POSTN: variants seen among roughly 807,000 people sequenced by gnomAD.
The protein encoded by POSTN is periostin.
Under a neutral mutation model 104.5 loss-of-function variants are expected in POSTN, and 71 were observed. The ratio of observed to expected loss-of-function variants is 0.68; its 90% CI spans 0.56 to 0.83. The LOEUF is 0.83. Among genes scored for constraint, POSTN ranks in the 40% least tolerant of loss-of-function variants. The pLI, the probability that POSTN is intolerant of heterozygous loss-of-function variation, is 0.00. For synonymous variants in POSTN, 355 were observed against 340.7 expected (o/e 1.04, Z -0.46); for missense variants, 949 against 1,006.8 (o/e 0.94, Z 0.78).
At chr13:37,570,425 T>A (rs184916747) in intron 19 of POSTN, among the ~76,000 whole-genome samples, 155 bp downstream of exon 19, 269 of 151,968 alleles carry the variant, frequency 1.8e-3, no homozygotes, top group African/African-American at 5.9e-3. Flanking sequence ...ATAGATTACA[T>A]ATTTAGAATA....
chr13:37,572,066 T>A (rs1950276292), intron 17 of POSTN, among the ~76,000 whole-genome samples: 2 of 151,646 alleles, frequency 1.3e-5, no homozygotes. Context: ...AGTTAAACAG[T>A]CCTTCAAATG....
intron 22 of POSTN, among the ~76,000 whole-genome samples, chr13:37,564,181 CATATATATAT>C (rs71093693): frequency 1.7e-3 from 85 of 49,824 alleles, no homozygotes; most frequent in South Asian, 3.1e-3. Flanking sequence ...CAAAACATTA[CATATATATAT>C]ATATATATAT....
rs778912848 is a variant in POSTN, at chr13:37,563,386, G to A, written c.2474-16C>T. The A allele has an allele frequency of 3.9e-6, 6 of 1,555,814 alleles. 1 individual carries two copies. In the East Asian group the frequency reaches 1.4e-4, roughly 35 times the overall value. ...CTTCTAGATCCTAATTAGAAAGAAA[G>A]GAGAATGTATAGACTGTAAATGTTA... On this transcript the variant is annotated splice_polypyrimidine_tract_variant and intron_variant, in intron 22 of 22. Coordinates refer to ENST00000379747, the MANE Select transcript of POSTN (RefSeq NM_006475.3).
At chr13:37,578,717 T>C in intron 15 of POSTN, 127 bp downstream of exon 15, 2 of 702,098 alleles carry the variant, frequency 2.8e-6, no homozygotes, top group Non-Finnish European at 2.1e-6. Context: ...GAGAATGGAG[T>C]GAACATGGGA....
intron 17 of POSTN, among the ~76,000 whole-genome samples, chr13:37,572,274 T>C (rs1382980334): frequency 6.6e-6 from 1 of 151,572 alleles, no homozygotes; most frequent in Non-Finnish European, 1.5e-5. Context: ...CTTGCTTATC[T>C]TTGAGAGCAT....
chr13:37,574,982 G>A (rs968588626), intron 16 of POSTN, among the ~76,000 whole-genome samples: 1 of 151,866 alleles, frequency 6.6e-6, no homozygotes, highest in Non-Finnish European at 1.5e-5. Context: ...AATACTGGCT[G>A]CATTGCAACA....
intron 4 of POSTN, 114 bp downstream of exon 4, chr13:37,590,258 A>G: frequency 2.5e-6 from 2 of 791,358 alleles, no homozygotes; most frequent in Non-Finnish European, 3.8e-6. Context: ...GTATTCTCAT[A>G]TATGTACAAT....
chr13:37,584,622 C>T (rs1950691620), intron 8 of POSTN, 94 bp downstream of exon 8: 2 of 1,023,958 alleles, frequency 2.0e-6, no homozygotes, highest in South Asian at 1.6e-5. Context: ...TTATACTGCA[C>T]ATTCATTTTT....
At chr13:37,585,558 T>C (rs959322665) in intron 7 of POSTN, among the ~76,000 whole-genome samples, 11 of 152,202 alleles carry the variant, frequency 7.2e-5, no homozygotes, top group East Asian at 1.9e-4. Flanking sequence ...AGATGATTCA[T>C]TGAAGGACCT....
intron 21 of POSTN, chr13:37,569,067 AT>A (rs1434480222): frequency 9.7e-6 from 3 of 310,276 alleles, no homozygotes; most frequent in Admixed American, 4.9e-5. Context: ...AAAAATATTC[AT>A]TGCTCCCCAA....
chr13:37,598,749 A>T lies in POSTN; in HGVS notation c.-23T>A, dbSNP rs1443400462. 1 of 1,610,528 alleles carries T rather than the reference A, an allele frequency of 6.2e-7. No individual in the cohort carries two copies. The highest frequency in any genetic ancestry group is 8.5e-7 in the Non-Finnish European group (1 of 1,177,602). ...CATCTTGAGTCTCTCCGTTGCAGTTAGTCCCCGAAGAGAACTGGCAGTGGG... is the reference window on the plus strand; with the variant it reads ...CATCTTGAGTCTCTCCGTTGCAGTTTGTCCCCGAAGAGAACTGGCAGTGGG... On this transcript the variant is annotated 5_prime_UTR_variant, in exon 1 of 23. Transcript: ENST00000379747.
intron 16 of POSTN, among the ~76,000 whole-genome samples, chr13:37,576,383 G>A (rs1300062524): frequency 1.3e-5 from 2 of 152,106 alleles, no homozygotes; most frequent in Non-Finnish European, 2.9e-5. Flanking sequence ...AAATGTTAGA[G>A]CTGTTTCAAG....
At chr13:37,578,777 C>T (rs55956947) in intron 15 of POSTN, 67 bp downstream of exon 15, 117,358 of 1,295,584 alleles carry the variant, frequency 0.091, 6,505 homozygotes, top group Non-Finnish European at 0.1. Flanking sequence ...ACAGCCTGGG[C>T]GACAAAGCGA....
intron 10 of POSTN, among the ~76,000 whole-genome samples, chr13:37,581,033 A>G (rs1950572765): frequency 6.6e-6 from 1 of 152,184 alleles, no homozygotes; most frequent in Admixed American, 6.5e-5. Context: ...TCTTTTGGCC[A>G]ACACTATCTG....
rs772866207 is a variant in POSTN, at chr13:37,569,350, C to T, written c.2381G>A (p.Gly794Asp). 1.2e-6 allele frequency: 2 copies of T among 1,612,898 alleles called. No homozygotes were observed. The highest frequency in any genetic ancestry group is 1.7e-5 in the Admixed American group (1 of 59,976). ...VTKVTKFIEG[G>D]DGHLFEDEEI... ...TTCATCTTCAAATAAATGACCATCACCACCTTCAATGAATTTGGTGACCTT... is the reference window on the plus strand; with the variant it reads ...TTCATCTTCAAATAAATGACCATCATCACCTTCAATGAATTTGGTGACCTT... Residue 794 changes from glycine to aspartate, a missense_variant, in exon 21 of 23, where the codon GGT (glycine) becomes GAT (aspartate). Gly to Asp is a moderately conservative substitution (Grantham distance 94). Coordinates refer to ENST00000379747, the MANE Select transcript of POSTN (RefSeq NM_006475.3).
intron 4 of POSTN, 74 bp from the exon 5 acceptor site, chr13:37,588,060 C>T: frequency 2.5e-6 from 3 of 1,193,134 alleles, no homozygotes; most frequent in Non-Finnish European, 3.6e-6. Context: ...CACCCTATTT[C>T]TACTCTCTTG....
At chr13:37,567,877 A>G (rs932659665) in intron 21 of POSTN, among the ~76,000 whole-genome samples, 2 of 152,168 alleles carry the variant, frequency 1.3e-5, no homozygotes, top group African/African-American at 4.8e-5. Context: ...ATCAAAGGGG[A>G]AGAAAATATA....
chr13:37,577,122 A>G (rs1180368240), intron 16 of POSTN, among the ~76,000 whole-genome samples: 2 of 152,172 alleles, frequency 1.3e-5, no homozygotes, highest in Non-Finnish European at 2.9e-5. Flanking sequence ...GAAAAGATAT[A>G]CTACTAGCTA....
chr13:37,585,287 A>G (rs1055162676), intron 7 of POSTN, among the ~76,000 whole-genome samples: 7 of 152,248 alleles, frequency 4.6e-5, no homozygotes, highest in Admixed American at 3.3e-4. Context: ...CACACCTGTA[A>G]TCCCAACACT....
Sources: allele counts gnomAD v4.1 joint callset (sites outside exome capture counted in the v4.1 genomes callset), GRCh38; gene constraint gnomAD v4.1.1; transcripts MANE v1.5; gene names NCBI Gene and HGNC (gene_info 2026-07-23, HGNC 2026-07-21).